The following MAP3K20 variants were observed in gnomAD, a reference collection of about 807,000 sequenced individuals.
MAP3K20 encodes the protein HCCS-4.
MAP3K20 carries 40 observed loss-of-function variants against 85.7 expected under a neutral mutation model. The observed-to-expected ratio is 0.47, with a 90% CI of 0.36 to 0.61. The LOEUF is 0.61. Ranked by LOEUF, MAP3K20 falls within the 20% of genes least tolerant of loss-of-function variation. MAP3K20 has a pLI of 0.00. For missense variants in MAP3K20, 817 were observed against 961.7 expected (o/e 0.85, Z 1.99); for synonymous variants, 325 against 327.7 (o/e 0.99, Z 0.09).
At chr2:173,132,489 G>A (rs965884394) in intron 2 of MAP3K20, among the ~76,000 whole-genome samples, 16 of 152,096 alleles carry the variant, frequency 1.1e-4, no homozygotes, top group African/African-American at 3.9e-4. Flanking sequence ...CCCCTTCCCT[G>A]CCCCTCAGGC....
intron 10 of MAP3K20, among the ~76,000 whole-genome samples, chr2:173,213,184 T>C (rs1683965540): frequency 6.6e-6 from 1 of 152,182 alleles, no homozygotes; most frequent in African/African-American, 2.4e-5. Context: ...ACATTAAACA[T>C]GGACTAGTTG....
intron 2 of MAP3K20, among the ~76,000 whole-genome samples, chr2:173,151,089 G>A (rs1402204248): frequency 6.6e-6 from 1 of 152,120 alleles, no homozygotes; most frequent in Non-Finnish European, 1.5e-5. Context: ...CAGACTCCAA[G>A]GCAACTAGGC....
intron 3 of MAP3K20, among the ~76,000 whole-genome samples, chr2:173,174,686 T>C (rs1476812445): frequency 1.3e-5 from 2 of 152,236 alleles, no homozygotes; most frequent in East Asian, 1.9e-4. Context: ...TGTGTCTTTA[T>C]AGTAGAATGA....
At chr2:173,105,261 T>A (rs1010495132) in intron 2 of MAP3K20, among the ~76,000 whole-genome samples, 6 of 152,014 alleles carry the variant, frequency 3.9e-5, no homozygotes, top group African/African-American at 7.3e-5. Flanking sequence ...AAGGTTGCAG[T>A]GGAGGCAGTG....
intron 16 of MAP3K20, among the ~76,000 whole-genome samples, chr2:173,245,781 A>T (rs911640306): frequency 3.3e-5 from 5 of 152,112 alleles, no homozygotes; most frequent in Non-Finnish European, 7.4e-5. Context: ...AAAGTATAAA[A>T]ATTAGCTGGG....
chr2:173,152,445 T>C (rs1202935515), intron 2 of MAP3K20, among the ~76,000 whole-genome samples: 1 of 152,128 alleles, frequency 6.6e-6, no homozygotes, highest in Non-Finnish European at 1.5e-5. Flanking sequence ...CTCCCCTAGG[T>C]TCTAAGCTTT....
At chr2:173,264,218 C>G (rs1355188946) in intron 19 of MAP3K20, among the ~76,000 whole-genome samples, 1 of 152,218 alleles carries the variant, frequency 6.6e-6, no homozygotes, top group Non-Finnish European at 1.5e-5. Context: ...TTAAGAACAA[C>G]TCTAAAGTCC....
Position 173,232,172 on chromosome 2 carries a change from A to G in MAP3K20, c.1033-20A>G, listed in dbSNP as rs766585241. Reference sequence around the variant, plus strand: ...ACCATGTGTGAATCTTCAAAACCGTATGTGTCCTCTCTTTCACAGTATTGT... The same window carrying G: ...ACCATGTGTGAATCTTCAAAACCGTGTGTGTCCTCTCTTTCACAGTATTGT... On this transcript the variant is annotated intron_variant, in intron 12 of 19. Transcript: ENST00000375213. The G allele has an allele frequency of 1.1e-5, 18 of 1,614,090 alleles. No homozygotes were observed. The East Asian group carries it at 3.1e-4, about 28-fold the overall frequency.
chr2:173,139,278 C>T (rs1001466564), intron 2 of MAP3K20, among the ~76,000 whole-genome samples: 1 of 152,138 alleles, frequency 6.6e-6, no homozygotes, highest in Non-Finnish European at 1.5e-5. Flanking sequence ...ACCATATTTC[C>T]GATGCCTTAA....
intron 3 of MAP3K20, among the ~76,000 whole-genome samples, chr2:173,173,507 C>T (rs1347485858): frequency 6.6e-6 from 1 of 152,176 alleles, no homozygotes; most frequent in Non-Finnish European, 1.5e-5. Context: ...CATGATTTCT[C>T]AGCAGGCCCA....
chr2:173,107,384 A>G (rs1395789818), intron 2 of MAP3K20, among the ~76,000 whole-genome samples: 2 of 152,100 alleles, frequency 1.3e-5, no homozygotes, highest in Non-Finnish European at 2.9e-5. Flanking sequence ...AGTTGAGAAG[A>G]TATGGGAGGA....
At chr2:173,111,476 T>A (rs1428914483) in intron 2 of MAP3K20, among the ~76,000 whole-genome samples, 1 of 152,230 alleles carries the variant, frequency 6.6e-6, no homozygotes, top group African/African-American at 2.4e-5. Flanking sequence ...GCTTTTGGGT[T>A]CTTGGTCATG....
chr2:173,161,060 C>G (rs1299418602), intron 2 of MAP3K20, among the ~76,000 whole-genome samples: 1 of 152,146 alleles, frequency 6.6e-6, no homozygotes, highest in Non-Finnish European at 1.5e-5. Context: ...GTTAAGTAAG[C>G]CTTTCATCCT....
At chr2:173,219,118 G>A (rs1370449106) in intron 11 of MAP3K20, among the ~76,000 whole-genome samples, 1 of 152,138 alleles carries the variant, frequency 6.6e-6, no homozygotes, top group Non-Finnish European at 1.5e-5. Flanking sequence ...TTGTAAGTAG[G>A]TATTTTCTTT....
intron 2 of MAP3K20, among the ~76,000 whole-genome samples, chr2:173,128,859 A>C (rs529055545): frequency 6.6e-6 from 1 of 151,716 alleles, no homozygotes; most frequent in Non-Finnish European, 1.5e-5. Context: ...CAACTATTTT[A>C]TATGAAATAT....
chr2:173,123,602 G>A (rs80162429), intron 2 of MAP3K20, among the ~76,000 whole-genome samples: 3 of 152,266 alleles, frequency 2.0e-5, no homozygotes, highest in Admixed American at 6.5e-5. Context: ...CCATGGTCAA[G>A]GGAACCTCAG....
At chr2:173,078,382 G>T (rs1686924210) in intron 1 of MAP3K20, among the ~76,000 whole-genome samples, 1 of 152,160 alleles carries the variant, frequency 6.6e-6, no homozygotes. Context: ...TCTAAATGTA[G>T]TAGGAACAGT....
chr2:173,084,424 C>CAAAAA (rs60463346), intron 1 of MAP3K20, among the ~76,000 whole-genome samples: 4 of 136,554 alleles, frequency 2.9e-5, no homozygotes, highest in Non-Finnish European at 3.1e-5. Context: ...CCAAAAAGTG[C>CAAAAA]AAAAAAAAAA....
chr2:173,167,771 C>T (rs1006729958), intron 2 of MAP3K20, among the ~76,000 whole-genome samples: 1 of 152,164 alleles, frequency 6.6e-6, no homozygotes, highest in Non-Finnish European at 1.5e-5. Context: ...CTAGCTGGCA[C>T]ACTGAAAATC....
Sources: gnomAD v4.1 joint callset for allele counts (sites outside exome capture counted in the v4.1 genomes callset) on GRCh38, gnomAD v4.1.1 for gene constraint, MANE v1.5 for transcripts, NCBI Gene and HGNC (gene_info 2026-07-23, HGNC 2026-07-21) for gene names.